The following SDK2 variants were observed in gnomAD, a reference collection of about 807,000 sequenced individuals.
SDK2 encodes the protein protein sidekick-2.
A neutral mutation model predicts 253.9 loss-of-function variants in SDK2; 105 were observed. The ratio of observed to expected loss-of-function variants is 0.41; its 90% confidence interval spans 0.35 to 0.49. The LOEUF is 0.49. SDK2 is among the 20% of genes least tolerant of loss of function. SDK2 has a pLI of 0.06. For synonymous variants in SDK2, 1,249 were observed against 1,234.9 expected, an observed-to-expected ratio of 1.01 and a Z score of -0.24; for missense variants, 2,608 against 3,003.0, an observed-to-expected ratio of 0.87 and a Z score of 3.07.
intron 39 of SDK2, 138 bp from the exon 40 acceptor site, chr17:73,358,342 G>T (rs555797984): frequency 6.2e-5 from 73 of 1,182,550 alleles, no homozygotes; most frequent in Middle Eastern, 2.9e-4. Context: ...TGCAAATGTC[G>T]CGGCCTGAGA....
At chr17:73,362,756 C>G (rs16977614) in intron 38 of SDK2, among the ~76,000 whole-genome samples, 62,228 of 152,050 alleles carry the variant, frequency 0.41, 13,568 homozygotes, top group African/African-American at 0.55. Flanking sequence ...CTAGAGGGGA[C>G]GCTTGAGCCA....
chr17:73,607,406 G>A (rs1292629770), intron 1 of SDK2, among the ~76,000 whole-genome samples: 1 of 151,650 alleles, frequency 6.6e-6, no homozygotes, highest in Non-Finnish European at 1.5e-5. Context: ...TGTGTGTTCA[G>A]CACCTGTCAT....
chr17:73,392,373 G>A (rs773066451), intron 27 of SDK2, among the ~76,000 whole-genome samples: 4 of 151,896 alleles, frequency 2.6e-5, no homozygotes, highest in Non-Finnish European at 4.4e-5. Flanking sequence ...GGGTTCAAGC[G>A]ATTCTCCTGC....
Position 73,443,615 on chromosome 17 carries a change from G to A in SDK2, c.614-2692C>T, listed in dbSNP as rs1173316762. 2.0e-5 allele frequency among the ~76,000 whole-genome samples: 3 copies of A among 152,218 alleles called. No individual in the cohort carries two copies. Among genetic ancestry groups the A allele is most frequent in the Non-Finnish European group, 2.9e-5 (2 of 68,044 alleles). ...TGGCTCGTTGGCTCTGGAAGGAATG[G>A]AGGAGAGATGGCCATGTGCTCAGGC... On this transcript the variant is annotated intron_variant, in intron 5 of 44. Transcript: ENST00000392650. This position sits in a 1 kb window ranked among gnomAD's most constrained non-coding sequence, Gnocchi z 4.6.
intron 2 of SDK2, among the ~76,000 whole-genome samples, chr17:73,491,574 T>C (rs2063806818): frequency 6.6e-6 from 1 of 152,192 alleles, no homozygotes; most frequent in Non-Finnish European, 1.5e-5. Context: ...GGTCTCGCTA[T>C]GTTGCACAGG....
chr17:73,377,014 GTGTCTCTCCTACTCCC>G (rs2062787256), intron 36 of SDK2, among the ~76,000 whole-genome samples: 1 of 151,922 alleles, frequency 6.6e-6, no homozygotes, highest in East Asian at 1.9e-4. Context: ...GAGGTGCCTT[GTGTCTCTCCTACTCCC>G]CACCTGTGGG....
In SDK2 at chr17:73,401,671, T is replaced by C. The variant is rs2063027406; in HGVS notation, c.2762A>G (p.Lys921Arg). Residue 921 changes from lysine (K) to arginine (R), a missense_variant, in exon 20 of 45, where the codon AAA becomes AGA. Physicochemically the swap from Lys to Arg is conservative, Grantham distance 26 (BLOSUM62 2). Coordinates refer to ENST00000392650, the MANE Select transcript of SDK2 (RefSeq NM_001144952.2). ...LKVSWQEPGE[K>R]NGILTGYRIS... ...GTGCCTACCTGTGAGGATGCCATTTTTCTCTCCCGGCTCTTGCCAGCTGAC... is the reference window on the plus strand; with the variant it reads ...GTGCCTACCTGTGAGGATGCCATTTCTCTCTCCCGGCTCTTGCCAGCTGAC... 6.3e-7 allele frequency: 1 copy of C among 1,592,350 alleles called. No individual in the cohort carries two copies. Among genetic ancestry groups the C allele is most frequent in the Admixed American group, 1.7e-5 (1 of 57,384 alleles).
At chr17:73,372,260 T>G (rs888606577) in intron 36 of SDK2, among the ~76,000 whole-genome samples, 2 of 152,204 alleles carry the variant, frequency 1.3e-5, no homozygotes, top group African/African-American at 4.8e-5. Flanking sequence ...ATAAAGGGAC[T>G]GAGCCCAGAT....
In SDK2 at chr17:73,350,905, C is replaced by T. The variant is rs550486872; in HGVS notation, c.5759-115G>A. The T allele has an allele frequency of 1.7e-5, 19 of 1,115,894 alleles. 2 individuals carry two copies. In the South Asian group the frequency reaches 2.9e-4, roughly 17 times the overall value. The allele number at this position is 1,115,894 out of a possible 1,614,324, so 69.1% of individuals were successfully genotyped here. A position where few individuals can be genotyped will look rare whatever the true frequency, so the allele number is the denominator to read the frequency against. ...AATCTATGGGAAGGCAGGGTCTGTA[C>T]CCTCCGAATGAGGCAGAACCTCTGT... On this transcript the variant is annotated intron_variant, in intron 41 of 44. Coordinates refer to ENST00000392650, the MANE Select transcript of SDK2 (RefSeq NM_001144952.2).
chr17:73,495,010 C>T (rs896167184), intron 2 of SDK2, among the ~76,000 whole-genome samples: 6 of 152,232 alleles, frequency 3.9e-5, no homozygotes, highest in African/African-American at 1.2e-4. Flanking sequence ...GACTTCTCTG[C>T]GCAGTGGAGG....
chr17:73,421,637 C>T lies in SDK2; in HGVS notation c.2045+650G>A, dbSNP rs117702031. ...GTCATCCAGGCTGGATCTCGACTCA[C>T]TGCAACCTCTGCCTCCCTGATTCAA... On this transcript the variant is annotated intron_variant, in intron 15 of 44. Transcript: ENST00000392650. Among the ~76,000 whole-genome samples the T allele has an allele frequency of 9.3e-3, 1,256 of 135,672 alleles. 24 individuals are homozygous for T. The highest frequency in any genetic ancestry group is 0.058 in the East Asian group (263 of 4,560). The allele number at this position is 135,672 out of a possible 152,430, so 89.0% of individuals were successfully genotyped here. A position where few individuals can be genotyped will look rare whatever the true frequency, so the allele number is the denominator to read the frequency against.
chr17:73,449,792 G>C (rs1250990392), intron 4 of SDK2, among the ~76,000 whole-genome samples: 1 of 151,800 alleles, frequency 6.6e-6, no homozygotes, highest in Non-Finnish European at 1.5e-5. Flanking sequence ...TGGTGGTGGT[G>C]CATGCCTGTA....
At chr17:73,408,746 GAA>G (rs760312879) in intron 18 of SDK2, among the ~76,000 whole-genome samples, 3 of 152,084 alleles carry the variant, frequency 2.0e-5, no homozygotes, top group African/African-American at 7.2e-5. Flanking sequence ...GAGAGAGAGA[GAA>G]AGAATCTATA....
intron 17 of SDK2, among the ~76,000 whole-genome samples, 189 bp downstream of exon 17, chr17:73,415,622 T>C (rs941585487): frequency 1.3e-5 from 2 of 152,090 alleles, no homozygotes; most frequent in Non-Finnish European, 2.9e-5. Flanking sequence ...GCTGTGCCAC[T>C]GTAGCATGTA....
Position 73,467,321 on chromosome 17 carries a change from A to G in SDK2, c.331+4791T>C, listed in dbSNP as rs906948318. 6.6e-6 allele frequency among the ~76,000 whole-genome samples: 1 copy of G among 152,000 alleles called. No individual in the cohort carries two copies. Among genetic ancestry groups the G allele is most frequent in the Admixed American group, 6.6e-5 (1 of 15,266 alleles). ...GGCGCTGTTTTGGAATCAGGCAGTCATGGGTTCAAATCCCAGTTTTTCCTA... is the reference window on the plus strand; with the variant it reads ...GGCGCTGTTTTGGAATCAGGCAGTCGTGGGTTCAAATCCCAGTTTTTCCTA... On this transcript the variant is annotated intron_variant, in intron 3 of 44. Coordinates refer to ENST00000392650, the MANE Select transcript of SDK2 (RefSeq NM_001144952.2). This position sits in a 1 kb window ranked among gnomAD's most constrained non-coding sequence, Gnocchi z 4.1.
intron 39 of SDK2, among the ~76,000 whole-genome samples, chr17:73,358,968 A>G (rs1239445914): frequency 6.6e-6 from 1 of 151,962 alleles, no homozygotes; most frequent in East Asian, 1.9e-4. Context: ...GACTCCAGCA[A>G]TGAGAGGAGT....
chr17:73,475,013 G>A (rs752253040), intron 2 of SDK2, among the ~76,000 whole-genome samples: 3 of 152,192 alleles, frequency 2.0e-5, no homozygotes, highest in Non-Finnish European at 2.9e-5. Context: ...CGGCAGGAGT[G>A]AGGGGGAGGG....
intron 1 of SDK2, among the ~76,000 whole-genome samples, chr17:73,574,066 C>T (rs957108533): frequency 1.3e-5 from 2 of 152,222 alleles, no homozygotes; most frequent in African/African-American, 4.8e-5. Flanking sequence ...CATCTATGCG[C>T]TTCCTCACTG....
At chr17:73,357,799 C>G (rs1025222853) in intron 40 of SDK2, 19 of 542,656 alleles carry the variant, frequency 3.5e-5, no homozygotes, top group Non-Finnish European at 6.3e-5. Flanking sequence ...GCCACGTGCT[C>G]AGGCTTCCGG....
Sources: allele counts gnomAD v4.1 joint callset (sites outside exome capture counted in the v4.1 genomes callset), GRCh38; gene constraint gnomAD v4.1.1; non-coding constraint Gnocchi (gnomAD v3.1); transcripts MANE v1.5; gene names NCBI Gene and HGNC (gene_info 2026-07-23, HGNC 2026-07-21).